Variants in RFTN2 observed in about 807,000 individuals in gnomAD.
RFTN2 encodes raftlin-2.
RFTN2 carries 34 observed loss-of-function variants against 52.7 expected under a neutral mutation model. That is an observed-to-expected ratio of 0.64 (90% CI 0.49 to 0.86). RFTN2 has a LOEUF of 0.86. Among genes scored for constraint, RFTN2 ranks in the 40% least tolerant of loss-of-function variants. The probability of loss-of-function intolerance (pLI) is 0.00; values close to 1 mark genes in which losing one functional copy is unlikely to be tolerated. For missense variants in RFTN2, 536 were observed against 600.1 expected, an observed-to-expected ratio of 0.89 and a Z score of 1.12; for synonymous variants, 203 against 217.7, an observed-to-expected ratio of 0.93 and a Z score of 0.59.
chr2:197,645,540 T>C (rs190998265), intron 2 of RFTN2, among the ~76,000 whole-genome samples: 13 of 152,320 alleles, frequency 8.5e-5, no homozygotes, highest in Admixed American at 2.0e-4. Flanking sequence ...AGAACAACAG[T>C]ATTTTACCAT....
At chr2:197,575,217 C>A (rs955057015) in intron 8 of RFTN2, among the ~76,000 whole-genome samples, 4 of 152,220 alleles carry the variant, frequency 2.6e-5, no homozygotes, top group Admixed American at 1.3e-4. Context: ...CTTTGCTCCT[C>A]ATTCACCTTC....
At chr2:197,598,627 T>C (rs1325001825) in intron 7 of RFTN2, among the ~76,000 whole-genome samples, 1 of 152,170 alleles carries the variant, frequency 6.6e-6, no homozygotes, top group East Asian at 1.9e-4. Context: ...ACGGCAGGCT[T>C]TACAAACTTT....
At chr2:197,633,611 T>C in intron 4 of RFTN2, 107 bp downstream of exon 4, 2 of 856,380 alleles carry the variant, frequency 2.3e-6, no homozygotes, top group Non-Finnish European at 3.6e-6. Flanking sequence ...CATTTAGTCA[T>C]TATAATCTTT....
At chr2:197,581,178 C>T (rs1162343216) in intron 8 of RFTN2, among the ~76,000 whole-genome samples, 5 of 152,184 alleles carry the variant, frequency 3.3e-5, no homozygotes, top group Non-Finnish European at 7.4e-5. Context: ...CTTCTAAAAC[C>T]TATAAACTCT....
At chr2:197,586,572 C>A (rs900255719) in intron 8 of RFTN2, among the ~76,000 whole-genome samples, 1 of 152,206 alleles carries the variant, frequency 6.6e-6, no homozygotes, top group African/African-American at 2.4e-5. Flanking sequence ...GGAAGAGCTT[C>A]CTGTTCCCCA....
At chr2:197,621,177 G>A (rs1018870675) in intron 5 of RFTN2, among the ~76,000 whole-genome samples, 1 of 151,508 alleles carries the variant, frequency 6.6e-6, no homozygotes, top group Non-Finnish European at 1.5e-5. Flanking sequence ...AATTGTGCAT[G>A]CCCCAAGTTC....
At chr2:197,580,330 C>T (rs1241074271) in intron 8 of RFTN2, among the ~76,000 whole-genome samples, 1 of 152,242 alleles carries the variant, frequency 6.6e-6, no homozygotes, top group African/African-American at 2.4e-5. Flanking sequence ...AATTTCAAAA[C>T]TCCTAAGCCA....
At chr2:197,651,408 C>T (rs1247355490) in intron 1 of RFTN2, among the ~76,000 whole-genome samples, 3 of 152,156 alleles carry the variant, frequency 2.0e-5, no homozygotes, top group Admixed American at 6.5e-5. Flanking sequence ...CACCTGAGAT[C>T]AGGAGTTTGA....
At chr2:197,623,961 G>A (rs145822145) in intron 5 of RFTN2, among the ~76,000 whole-genome samples, 1 of 151,988 alleles carries the variant, frequency 6.6e-6, no homozygotes, top group African/African-American at 2.4e-5. Context: ...ACCACGGCTG[G>A]CAAATTTTTG....
At chr2:197,595,930 G>C in intron 8 of RFTN2, 61 bp downstream of exon 8, 3 of 1,120,662 alleles carry the variant, frequency 2.7e-6, no homozygotes, top group Non-Finnish European at 2.7e-6. Context: ...ATTACAATGA[G>C]AGTTTAAGGA....
intron 1 of RFTN2, among the ~76,000 whole-genome samples, chr2:197,656,495 T>A (rs2088895622): frequency 6.6e-6 from 1 of 152,210 alleles, no homozygotes; most frequent in Non-Finnish European, 1.5e-5. Flanking sequence ...CTGTAAAACA[T>A]GAGCCCAGGG....
At chr2:197,648,326 C>G (rs2088781840) in intron 1 of RFTN2, among the ~76,000 whole-genome samples, 1 of 152,222 alleles carries the variant, frequency 6.6e-6, no homozygotes, top group African/African-American at 2.4e-5. Flanking sequence ...TTTTCACCCT[C>G]TTTTGGATTT....
intron 1 of RFTN2, among the ~76,000 whole-genome samples, chr2:197,646,970 T>A (rs1574740299): frequency 6.7e-6 from 1 of 150,106 alleles, no homozygotes; most frequent in Non-Finnish European, 1.5e-5. Flanking sequence ...TATTTATACA[T>A]TTTTAAAGTC....
rs2087314730 is a variant in RFTN2, at chr2:197,571,438, G to T, written c.*570C>A. 1.3e-5 allele frequency: 2 copies of T among 153,578 alleles called. No individual in the cohort carries two copies. The highest frequency in any genetic ancestry group is 2.4e-5 in the African/African-American group (1 of 41,532). The allele number at this position is 153,578 out of a possible 1,614,324, so 9.5% of individuals were successfully genotyped here. ...TTTAAAAGCAAAGATACATAAAAAA[G>T]ATTTTTTTCAAAAAATATTTTAACA... is the stretch of plus-strand genomic sequence containing the variant. On this transcript the variant is annotated 3_prime_UTR_variant, in exon 9 of 9. Transcript: ENST00000295049.
chr2:197,641,338 A>G (rs2088671037), intron 3 of RFTN2, among the ~76,000 whole-genome samples: 1 of 152,210 alleles, frequency 6.6e-6, no homozygotes, highest in Admixed American at 6.5e-5. Context: ...TGTTCCTATG[A>G]ATTAACATAT....
intron 1 of RFTN2, among the ~76,000 whole-genome samples, chr2:197,656,406 G>A (rs1203999822): frequency 2.6e-5 from 4 of 152,152 alleles, no homozygotes; most frequent in African/African-American, 7.2e-5. Context: ...CTAAGCATGT[G>A]ATCTAGAACA....
At chr2:197,636,255 G>GT (rs1222134324) in intron 3 of RFTN2, among the ~76,000 whole-genome samples, 1 of 146,158 alleles carries the variant, frequency 6.8e-6, no homozygotes, top group African/African-American at 2.6e-5. Flanking sequence ...CTTTAAAGTA[G>GT]TTTTTTCCAA....
chr2:197,633,656 C>T (rs1047053379), intron 4 of RFTN2, 62 bp downstream of exon 4: 2 of 1,365,852 alleles, frequency 1.5e-6, no homozygotes, highest in African/African-American at 1.5e-5. Flanking sequence ...CTAAAAAAAA[C>T]CTCAAAAACT....
intron 7 of RFTN2, among the ~76,000 whole-genome samples, chr2:197,601,314 T>A (rs928236345): frequency 3.9e-5 from 6 of 152,196 alleles, no homozygotes; most frequent in African/African-American, 1.4e-4. Flanking sequence ...TCAAGAAGAT[T>A]GGGTCTTCCC....
Sources: allele counts gnomAD v4.1 joint callset (sites outside exome capture counted in the v4.1 genomes callset), GRCh38; gene constraint gnomAD v4.1.1; transcripts MANE v1.5; gene names NCBI Gene and HGNC (gene_info 2026-07-23, HGNC 2026-07-21).